The following TSR1 variants were observed in gnomAD, a reference collection of about 807,000 sequenced individuals.
TSR1 encodes the protein pre-rRNA-processing protein TSR1 homolog.
In TSR1, 81 loss-of-function variants were observed where a neutral mutation model predicts 90.9. The ratio of observed to expected loss-of-function variants is 0.89; its 90% CI spans 0.74 to 1.07. The LOEUF (loss-of-function observed/expected upper bound fraction) is 1.07, where lower values mean the gene tolerates loss of function less well. TSR1 is among the 50% of genes least tolerant of loss of function. The pLI is 0.00. For synonymous variants in TSR1, 362 were observed against 348.8 expected, an observed-to-expected ratio of 1.04 and a Z score of -0.42; for missense variants, 989 against 987.3, an observed-to-expected ratio of 1.00 and a Z score of -0.02.
chr17:2,335,807 A>T, intron 2 of TSR1, 77 bp from the exon 3 acceptor site: 1 of 1,488,666 alleles, frequency 6.7e-7, no homozygotes, highest in South Asian at 1.2e-5. Flanking sequence ...ACTCCCACAG[A>T]TGCTCCCCCT....
At chr17:2,330,433 C>G (rs945443613) in intron 10 of TSR1, 82 bp downstream of exon 10, 1 of 1,322,894 alleles carries the variant, frequency 7.6e-7, no homozygotes, top group African/African-American at 1.5e-5. Flanking sequence ...AAATTTTAGT[C>G]ACACATAAAC....
chr17:2,333,567 G>A lies in TSR1; in HGVS notation c.1131C>T (p.Ser377=), dbSNP rs1328746352. ...EQTWPTEEEL[S]EAKDFLKESS... ...TTTACCAATACTGACCCTTTGCCTC[G>A]CTCAGCTCCTCCTCAGTGGGCCAGG... The change falls in exon 6 of 15, where the codon AGC becomes AGT. Residue 377 remains serine, a synonymous_variant. Coordinates refer to ENST00000301364, the MANE Select transcript of TSR1 (RefSeq NM_018128.5). The A allele has an allele frequency of 5.0e-6, 8 of 1,614,018 alleles. No individual in the cohort carries two copies. The highest frequency in any genetic ancestry group is 1.7e-4 in the Middle Eastern group (1 of 6,060).
At chr17:2,328,241 CAAAAAA>C (rs34888941) in intron 11 of TSR1, among the ~76,000 whole-genome samples, 2 of 72,348 alleles carry the variant, frequency 2.8e-5, no homozygotes, top group African/African-American at 1.1e-4. Context: ...GACTCGGTCT[CAAAAAA>C]AAAAAAAAAA....
chr17:2,333,399 ATGTT>A lies in TSR1; in HGVS notation c.1141+154_1141+157del. On this transcript the variant is annotated intron_variant, in intron 6 of 14. Transcript: ENST00000301364. ...GAGAAATGGAACAAGACTGTGTATAATGTTTGTTTATTGAAAACATACAGCATTT... is the reference window on the plus strand; with the variant it reads ...GAGAAATGGAACAAGACTGTGTATAATGTTTATTGAAAACATACAGCATTT... 5.3e-6 allele frequency: 5 copies of A among 946,320 alleles called. No individual in the cohort carries two copies. In the South Asian group the frequency reaches 7.1e-5, roughly 13 times the overall value. 58.6% of individuals were successfully genotyped at this position (946,320 alleles called of 1,614,324 possible). A position where few individuals can be genotyped will look rare whatever the true frequency, so the allele number is the denominator to read the frequency against.
In TSR1 at chr17:2,323,113, T is replaced by C; in HGVS notation, c.*1083A>G. 1 of 1,610,544 alleles carries C rather than the reference T, an allele frequency of 6.2e-7. No homozygotes were observed. The highest frequency in any genetic ancestry group is 8.5e-7 in the Non-Finnish European group (1 of 1,176,722). ...GCAATGTTGTGGTTTGTTGTTAAGATGTCTTAATATTCCTCTTCCCAGGCT... is the reference window on the plus strand; with the variant it reads ...GCAATGTTGTGGTTTGTTGTTAAGACGTCTTAATATTCCTCTTCCCAGGCT... On this transcript the variant is annotated 3_prime_UTR_variant, in exon 15 of 15. Transcript: ENST00000301364.
In TSR1 at chr17:2,323,030, G is replaced by T; in HGVS notation, c.*1166C>A. 1 of 1,191,218 alleles carries T rather than the reference G, an allele frequency of 8.4e-7. No individual in the cohort carries two copies. The highest frequency in any genetic ancestry group is 1.2e-6 in the Non-Finnish European group (1 of 823,836). 73.8% of individuals were successfully genotyped at this position (1,191,218 alleles called of 1,614,324 possible). A position where few individuals can be genotyped will look rare whatever the true frequency, so the allele number is the denominator to read the frequency against. On this transcript the variant is annotated 3_prime_UTR_variant, in exon 15 of 15. Transcript: ENST00000301364. Reference sequence around the variant, plus strand: ...TCCACCCGCCTCGGGCTCCCAAAGTGTTGGGATTACAGGTGTGAGCCACCA... The same window carrying T: ...TCCACCCGCCTCGGGCTCCCAAAGTTTTGGGATTACAGGTGTGAGCCACCA...
chr17:2,330,177 C>T (rs2151440719), intron 10 of TSR1: 1 of 457,966 alleles, frequency 2.2e-6, no homozygotes, highest in East Asian at 5.6e-5. Flanking sequence ...CCTTGGCCTC[C>T]CAAAAAGTGC....
At position 2,336,384 on chromosome 17, in the gene TSR1, G is replaced by C; in HGVS notation, c.44C>G (p.Ala15Gly). The C allele has an allele frequency of 6.2e-7, 1 of 1,613,354 alleles. No homozygotes were observed. Among genetic ancestry groups the C allele is most frequent in the Non-Finnish European group, 8.5e-7 (1 of 1,180,034 alleles). ...ACCCCGATGCCGTCCGCCTTTATGA[G>C]CTTTATTCTGCTGCTTGAGCGGGCC... is the stretch of plus-strand genomic sequence containing the variant. ...RPGPLKQQNK[A>G]HKGGRHRGRG... The change falls in exon 1 of 15, where the codon GCT (alanine) becomes GGT (glycine). Residue 15 changes from alanine (A) to glycine (G), a missense_variant. By Grantham distance (60) the Ala-to-Gly change is moderately conservative. Transcript: ENST00000301364.
In TSR1 at chr17:2,335,503, A is replaced by C. The variant is rs1440249156; in HGVS notation, c.421+8T>G. On this transcript the variant is annotated splice_region_variant and intron_variant, in intron 3 of 14. Transcript: ENST00000301364. ...AACATAATACAAAATATTGGTGTATACTCTAACCTGGCCTTGCTGAGGTGA... is the reference window on the plus strand; with the variant it reads ...AACATAATACAAAATATTGGTGTATCCTCTAACCTGGCCTTGCTGAGGTGA... The C allele has an allele frequency of 6.2e-7, 1 of 1,613,774 alleles. No homozygotes were observed. Among genetic ancestry groups the C allele is most frequent in the African/African-American group, 1.3e-5 (1 of 74,872 alleles).
Position 2,336,116 on chromosome 17 carries a change from C to G in TSR1, c.122G>C (p.Ser41Thr). ...GKGRLALKTL[S>T]KKVRKELSRV... The stretch of plus-strand genomic sequence containing the variant: ...GCTGAGTTCTTTTCTCACCTTCTTG[C>G]TTAGGGTTTTCAGTGCCAGACGGCC... Residue 41 changes from serine (S) to threonine (T), a missense_variant, in exon 2 of 15, where the codon AGC (serine) becomes ACC (threonine). By Grantham distance (58) the Ser-to-Thr change is moderately conservative (BLOSUM62 1). Coordinates refer to ENST00000301364, the MANE Select transcript of TSR1 (RefSeq NM_018128.5). The G allele has an allele frequency of 6.2e-7, 1 of 1,614,216 alleles. No individual in the cohort carries two copies.
At position 2,334,462 on chromosome 17, in the gene TSR1, T is replaced by C. The variant is rs77110992; in HGVS notation, c.981+10A>G. Reference sequence around the variant, plus strand: ...TTCATATGAACATGAATTAAGAATATCAGTCTTACCTCCATTGCCATGTCT... The same window carrying C: ...TTCATATGAACATGAATTAAGAATACCAGTCTTACCTCCATTGCCATGTCT... On this transcript the variant is annotated intron_variant, in intron 5 of 14. Transcript: ENST00000301364. 1.6e-4 allele frequency: 251 copies of C among 1,603,990 alleles called. 3 individuals are homozygous for C. In the East Asian group the frequency reaches 5.5e-3, roughly 35 times the overall value.
chr17:2,330,060 C>G lies in TSR1; in HGVS notation c.1770+455G>C, dbSNP rs1233109355. The G allele has an allele frequency of 1.0e-5, 3 of 289,058 alleles. No homozygotes were observed. The East Asian group carries it at 2.8e-4, about 27-fold the overall frequency. The allele number at this position is 289,058 out of a possible 1,614,324, so 17.9% of individuals were successfully genotyped here. On this transcript the variant is annotated intron_variant, in intron 10 of 14. Coordinates refer to ENST00000301364, the MANE Select transcript of TSR1 (RefSeq NM_018128.5). ...TCAGCCTCCCAAGTAGCTGGGATTA[C>G]AGGCATGTGCCACCACGCCTGGCTA...
Position 2,323,207 on chromosome 17 carries a change from G to A in TSR1, c.*989C>T, listed in dbSNP as rs1212691394. On this transcript the variant is annotated 3_prime_UTR_variant, in exon 15 of 15. Coordinates refer to ENST00000301364, the MANE Select transcript of TSR1 (RefSeq NM_018128.5). ...CAGATGACTGCTACCAGTCCAAGCT[G>A]AAGGGGAAACTGATGCCCAATCTTT... The A allele has an allele frequency of 3.1e-6, 5 of 1,614,222 alleles. No individual in the cohort carries two copies. In the Admixed American group the frequency reaches 6.7e-5, roughly 22 times the overall value.
Position 2,324,261 on chromosome 17 carries a change from GT to G in TSR1, c.2349del (p.Pro784GlnfsTer7), listed in dbSNP as rs2075559591. 6.5e-7 allele frequency: 1 copy of G among 1,549,004 alleles called. No individual in the cohort carries two copies. The highest frequency in any genetic ancestry group is 1.4e-5 in the African/African-American group (1 of 72,404). On this transcript the variant is annotated frameshift_variant, in exon 15 of 15. Coordinates refer to ENST00000301364, the MANE Select transcript of TSR1 (RefSeq NM_018128.5). LOFTEE classifies it high-confidence loss of function. ...VFPKWTYDPYVPEPVPWLKSE... is the reference protein window; with the variant it reads ...VFPKWTYDPYXPEPVPWLKSE... ...CTTTTCAGCCAGGGTACTGGTTCTG[GT>G]ACATATGGATCATAAGTCCATTTGG...
At chr17:2,335,481 A>G in intron 3 of TSR1, 30 bp downstream of exon 3, 2 of 1,604,584 alleles carry the variant, frequency 1.2e-6, no homozygotes, top group South Asian at 1.1e-5. Flanking sequence ...CTACTCAAAC[A>G]TAATACAAAA....
In TSR1 at chr17:2,334,787, C is replaced by T; in HGVS notation, c.666G>A (p.Leu222=). 6.2e-7 allele frequency: 1 copy of T among 1,614,238 alleles called. No individual in the cohort carries two copies. Among genetic ancestry groups the T allele is most frequent in the Non-Finnish European group, 8.5e-7 (1 of 1,180,048 alleles). ...EKRFPHDKLL[L]LDTQQEAGML... is the part of the protein sequence containing the mutation. Reference sequence around the variant, plus strand: ...TCCCTGCCTCCTGTTGAGTGTCTAACAAGAGGAGTTTGTCATGCGGAAAGC... The same window carrying T: ...TCCCTGCCTCCTGTTGAGTGTCTAATAAGAGGAGTTTGTCATGCGGAAAGC... Residue 222 remains leucine (L), a synonymous_variant, in exon 5 of 15, where the codon TTG becomes TTA. Transcript: ENST00000301364.
intron 11 of TSR1, among the ~76,000 whole-genome samples, chr17:2,328,785 G>C (rs1180641427): frequency 6.6e-6 from 1 of 150,648 alleles, no homozygotes; most frequent in East Asian, 2.0e-4. Context: ...GCATGGTGGC[G>C]GGCGCCTGTA....
intron 6 of TSR1, 172 bp downstream of exon 6, chr17:2,333,385 C>T: frequency 2.1e-6 from 2 of 932,902 alleles, no homozygotes; most frequent in African/African-American, 1.6e-5. Flanking sequence ...AGAAATGGAA[C>T]AAGACTGTGT....
intron 8 of TSR1, among the ~76,000 whole-genome samples, chr17:2,331,455 G>A (rs1240676017): frequency 6.6e-6 from 1 of 152,098 alleles, no homozygotes; most frequent in African/African-American, 2.4e-5. Context: ...CTCATGAGTG[G>A]GTTAGCACCA....
Sources: gnomAD v4.1 joint callset for allele counts (sites outside exome capture counted in the v4.1 genomes callset) on GRCh38, gnomAD v4.1.1 for gene constraint, MANE v1.5 for transcripts, NCBI Gene and HGNC (gene_info 2026-07-23, HGNC 2026-07-21) for gene names.